The following SH3BGRL2 variants were observed in gnomAD, a reference collection of about 807,000 sequenced individuals.
SH3BGRL2 encodes SH3 domain binding glutamate rich protein like 2.
In SH3BGRL2, 21 loss-of-function variants were observed where a neutral mutation model predicts 14.8. The ratio of observed to expected loss-of-function variants is 1.42; its 90% CI spans 1.01 to 2.05. SH3BGRL2 has a LOEUF of 2.05. Among genes scored for constraint, SH3BGRL2 ranks in the 30% most tolerant of loss-of-function variants. The pLI, the probability that SH3BGRL2 is intolerant of heterozygous loss-of-function variation, is 0.00. For missense variants in SH3BGRL2, 147 were observed against 130.8 expected (o/e 1.12, Z -0.61); for synonymous variants, 50 against 47.8 (o/e 1.05, Z -0.19).
the SH3BGRL2 span, among the ~76,000 whole-genome samples, chr6:79,618,604 G>T: frequency 6.6e-6 from 1 of 152,036 alleles, no homozygotes; most frequent in African/African-American, 2.4e-5. Context: ...TACTCAGGAG[G>T]CTGAGGCAGG....
chr6:79,579,626 C>A, the SH3BGRL2 span, among the ~76,000 whole-genome samples: 3 of 152,166 alleles, frequency 2.0e-5, no homozygotes, highest in Non-Finnish European at 4.4e-5. Context: ...ACCAGGCCGG[C>A]CTTACAAGAG....
At chr6:79,555,866 A>C in the SH3BGRL2 span, among the ~76,000 whole-genome samples, 5 of 152,230 alleles carry the variant, frequency 3.3e-5, no homozygotes, top group Non-Finnish European at 7.3e-5. Flanking sequence ...CCATATCCAA[A>C]TATTAAAATA....
chr6:79,616,739 CA>C, the SH3BGRL2 span, among the ~76,000 whole-genome samples: 2 of 152,174 alleles, frequency 1.3e-5, no homozygotes, highest in East Asian at 3.9e-4. Flanking sequence ...CAGTTCCATT[CA>C]GGGGTAGGAC....
the SH3BGRL2 span, among the ~76,000 whole-genome samples, chr6:79,600,658 C>T: frequency 0.12 from 18,034 of 152,074 alleles, 1,262 homozygotes; most frequent in Non-Finnish European, 0.16. Context: ...TTTAACCAGG[C>T]CCCCACCAGC....
the SH3BGRL2 span, among the ~76,000 whole-genome samples, chr6:79,594,437 C>T: frequency 6.6e-6 from 1 of 152,164 alleles, no homozygotes; most frequent in Non-Finnish European, 1.5e-5. Context: ...CCATGAGGAT[C>T]TGTCCCAACT....
chr6:79,677,774 G>A (rs543412489), intron 2 of SH3BGRL2, among the ~76,000 whole-genome samples: 1 of 152,242 alleles, frequency 6.6e-6, no homozygotes, highest in South Asian at 2.1e-4. Flanking sequence ...AACCCAAACT[G>A]GCACAACTTA....
the SH3BGRL2 span, among the ~76,000 whole-genome samples, chr6:79,568,580 AT>A: frequency 6.6e-6 from 1 of 152,186 alleles, no homozygotes. Context: ...AACAAAAAAA[AT>A]TGGAGGAATG....
the SH3BGRL2 span, among the ~76,000 whole-genome samples, chr6:79,597,280 GAGAA>G: frequency 1.4e-5 from 2 of 139,420 alleles, no homozygotes; most frequent in Admixed American, 7.3e-5. Context: ...AAGAGAGAGA[GAGAA>G]AGAAAGAGAG....
At chr6:79,612,929 A>G in the SH3BGRL2 span, among the ~76,000 whole-genome samples, 4 of 152,192 alleles carry the variant, frequency 2.6e-5, no homozygotes, top group South Asian at 2.1e-4. Flanking sequence ...ATTCACATGC[A>G]TCTGTATCCT....
the SH3BGRL2 span, among the ~76,000 whole-genome samples, chr6:79,607,808 G>A: frequency 6.6e-6 from 1 of 152,112 alleles, no homozygotes; most frequent in Admixed American, 6.5e-5. Context: ...AGTCGGGCGT[G>A]GTGGCAGGCA....
chr6:79,637,523 T>A (rs1439423136), intron 1 of SH3BGRL2, among the ~76,000 whole-genome samples: 1 of 151,862 alleles, frequency 6.6e-6, no homozygotes, highest in African/African-American at 2.4e-5. Context: ...TGAAACCCCA[T>A]CTCTACTAAA....
At chr6:79,660,565 A>G (rs1769523462) in intron 1 of SH3BGRL2, among the ~76,000 whole-genome samples, 2 of 152,144 alleles carry the variant, frequency 1.3e-5, no homozygotes, top group South Asian at 4.1e-4. Flanking sequence ...GGATTTTTGC[A>G]TCGATGTTCA....
the SH3BGRL2 span, among the ~76,000 whole-genome samples, chr6:79,542,629 C>T: frequency 6.6e-6 from 1 of 152,134 alleles, no homozygotes; most frequent in African/African-American, 2.4e-5. Flanking sequence ...CCCAGACACC[C>T]TTGCTAGTTG....
the SH3BGRL2 span, among the ~76,000 whole-genome samples, chr6:79,598,245 A>G: frequency 4.6e-5 from 7 of 152,214 alleles, no homozygotes; most frequent in African/African-American, 1.4e-4. Flanking sequence ...TCCTAAGTGT[A>G]TAGCCAGAAG....
the SH3BGRL2 span, among the ~76,000 whole-genome samples, chr6:79,590,424 GATATATATATATATATATATAT>G: frequency 0.011 from 704 of 66,688 alleles, 42 homozygotes; most frequent in African/African-American, 0.043. Context: ...AAGAAAATGT[GATATATATATATATATATATAT>G]ATATATATAT....
the SH3BGRL2 span, chr6:79,573,951 C>T: frequency 6.6e-6 from 1 of 152,000 alleles, no homozygotes. Flanking sequence ...CTCTTGAATT[C>T]TCTAATTACT....
At chr6:79,554,360 G>C in the SH3BGRL2 span, among the ~76,000 whole-genome samples, 1 of 152,104 alleles carries the variant, frequency 6.6e-6, no homozygotes, top group African/African-American at 2.4e-5. Context: ...AAATCACAAA[G>C]TTTTTGCTAA....
chr6:79,658,278 G>T (rs892935273), intron 1 of SH3BGRL2, among the ~76,000 whole-genome samples: 1 of 152,134 alleles, frequency 6.6e-6, no homozygotes, highest in African/African-American at 2.4e-5. Context: ...ATATTCTAAT[G>T]CTATCCCTCA....
At chr6:79,576,717 C>T in the SH3BGRL2 span, among the ~76,000 whole-genome samples, 1 of 152,100 alleles carries the variant, frequency 6.6e-6, no homozygotes, top group Non-Finnish European at 1.5e-5. Context: ...TTTATAAACC[C>T]ATGAAACCAC....
Sources: gnomAD v4.1 joint callset for allele counts (sites outside exome capture counted in the v4.1 genomes callset) on GRCh38, gnomAD v4.1.1 for gene constraint, MANE v1.5 for transcripts, NCBI Gene and HGNC (gene_info 2026-07-23, HGNC 2026-07-21) for gene names.